The following TAS2R1 variants were observed in gnomAD, a reference collection of about 807,000 sequenced individuals.
The protein encoded by TAS2R1 is taste receptor type 2 member 1.
For missense variants in TAS2R1, 370 were observed against 353.4 expected (o/e 1.05, Z -0.38); for synonymous variants, 141 against 134.2 (o/e 1.05, Z -0.35).
the TAS2R1 span, among the ~76,000 whole-genome samples, chr5:9,825,547 G>A: frequency 6.6e-6 from 1 of 152,174 alleles, no homozygotes; most frequent in Non-Finnish European, 1.5e-5. Flanking sequence ...TCTGTAAGAT[G>A]GAACTTTCTC....
the TAS2R1 span, among the ~76,000 whole-genome samples, chr5:9,861,185 A>G: frequency 2.0e-5 from 3 of 152,046 alleles, no homozygotes; most frequent in Non-Finnish European, 4.4e-5. Context: ...AAGGGACAAC[A>G]TTCTTTCACG....
At chr5:9,727,117 G>A in the TAS2R1 span, among the ~76,000 whole-genome samples, 1 of 152,166 alleles carries the variant, frequency 6.6e-6, no homozygotes, top group East Asian at 1.9e-4. Context: ...CAAAACACAT[G>A]CTTGGATGGC....
intron 1 of TAS2R1, among the ~76,000 whole-genome samples, chr5:9,693,760 G>A (rs1021498749): frequency 2.0e-5 from 3 of 151,812 alleles, no homozygotes; most frequent in African/African-American, 4.8e-5. Context: ...TAAGACTGCC[G>A]ACTACGTTGC....
At chr5:9,634,562 T>C (rs142168461), upstream of TAS2R1, among the ~76,000 whole-genome samples, 308 of 152,296 alleles carry the variant, frequency 2.0e-3, 2 homozygotes, top group African/African-American at 7.2e-3. Flanking sequence ...ATAATATTGA[T>C]TCTACCCATC....
the TAS2R1 span, among the ~76,000 whole-genome samples, chr5:9,728,154 T>G: frequency 9.8e-4 from 149 of 152,176 alleles, no homozygotes; most frequent in Middle Eastern, 3.4e-3. Flanking sequence ...TAGACTACAT[T>G]TCTACCACCC....
the TAS2R1 span, among the ~76,000 whole-genome samples, chr5:9,769,926 C>A: frequency 6.6e-6 from 1 of 151,980 alleles, no homozygotes; most frequent in Admixed American, 6.6e-5. Flanking sequence ...TGATGTGATC[C>A]CCTTTGTCCA....
chr5:9,786,377 T>C, the TAS2R1 span, among the ~76,000 whole-genome samples: 1 of 152,230 alleles, frequency 6.6e-6, no homozygotes, highest in Non-Finnish European at 1.5e-5. Flanking sequence ...AATTCATGTG[T>C]GACTTTGATA....
At chr5:9,873,908 G>GA in the TAS2R1 span, among the ~76,000 whole-genome samples, 1,361 of 135,140 alleles carry the variant, frequency 0.01, 11 homozygotes, top group Non-Finnish European at 0.016. Flanking sequence ...AGAGGACGGG[G>GA]AAAAAAAGAA....
rs1432597130 is a variant in TAS2R1, at chr5:9,686,655, CAGAA to C, written c.-242+25513_-242+25516del. Among the ~76,000 whole-genome samples the C allele has an allele frequency of 1.3e-5, 2 of 152,034 alleles. 1 individual carries two copies. Among genetic ancestry groups the C allele is most frequent in the Non-Finnish European group, 2.9e-5 (2 of 67,988 alleles). On this transcript the variant is annotated intron_variant, in intron 1 of 2. Coordinates refer to the TAS2R1 transcript ENST00000506620. ...AAGAAGGAAACAGAAAGAAAGAAAA[CAGAA>C]AGAAAAGATGTCACTATAAAGGGCC...
upstream of TAS2R1, among the ~76,000 whole-genome samples, chr5:9,715,308 C>T (rs998834769): frequency 6.6e-6 from 1 of 152,274 alleles, no homozygotes; most frequent in African/African-American, 2.4e-5. Context: ...AGCCAGGGAC[C>T]GAGGATGCAC....
chr5:9,887,587 T>C, the TAS2R1 span, among the ~76,000 whole-genome samples: 1 of 152,148 alleles, frequency 6.6e-6, no homozygotes. Flanking sequence ...GACCCAATTC[T>C]CCTGAACCAC....
At chr5:9,823,101 T>C in the TAS2R1 span, among the ~76,000 whole-genome samples, 5 of 150,536 alleles carry the variant, frequency 3.3e-5, no homozygotes. Flanking sequence ...AGAATAACTA[T>C]AAAATGTCAT....
chr5:9,785,127 G>C, the TAS2R1 span, among the ~76,000 whole-genome samples: 1 of 152,026 alleles, frequency 6.6e-6, no homozygotes, highest in Admixed American at 6.6e-5. Context: ...TTTCACCATG[G>C]CTACAGCTCC....
chr5:9,775,016 G>C, the TAS2R1 span, among the ~76,000 whole-genome samples: 1 of 152,284 alleles, frequency 6.6e-6, no homozygotes, highest in Non-Finnish European at 1.5e-5. Context: ...TTCCCTTTAG[G>C]GTGGCAAGAT....
rs184580436 is a variant in TAS2R1, at chr5:9,627,869, T to C, written c.*1264A>G. ...TAGTTCCCATGCCCAAGAAGATAAG[T>C]ACGTCCCTGAATCTCCTGAAGCAAA... On this transcript the variant is annotated 3_prime_UTR_variant, in exon 1 of 1. Transcript: ENST00000382492. 8.5e-5 allele frequency among the ~76,000 whole-genome samples: 13 copies of C among 152,272 alleles called. No individual in the cohort carries two copies. The highest frequency in any genetic ancestry group is 8.5e-4 in the Admixed American group (13 of 15,298).
At chr5:9,763,093 A>C in the TAS2R1 span, among the ~76,000 whole-genome samples, 5 of 152,224 alleles carry the variant, frequency 3.3e-5, no homozygotes, top group African/African-American at 4.8e-5. Context: ...TTCCTAAAAT[A>C]ACATCTATAT....
chr5:9,645,978 C>T (rs1019104466), intron 2 of TAS2R1, among the ~76,000 whole-genome samples: 4 of 152,094 alleles, frequency 2.6e-5, no homozygotes, highest in Non-Finnish European at 4.4e-5. Flanking sequence ...ATTGGGTGTG[C>T]TGAAATAGTT....
intron 1 of TAS2R1, among the ~76,000 whole-genome samples, chr5:9,673,100 A>G (rs1046870877): frequency 2.6e-5 from 4 of 152,186 alleles, no homozygotes; most frequent in African/African-American, 9.6e-5. Flanking sequence ...TTCATTACAC[A>G]TGAACACAAA....
chr5:9,655,333 A>T (rs531856886), intron 2 of TAS2R1, among the ~76,000 whole-genome samples: 4 of 152,358 alleles, frequency 2.6e-5, no homozygotes, highest in Admixed American at 2.6e-4. Context: ...TAACATTTAA[A>T]GGAAAAGACT....
Sources: allele counts gnomAD v4.1 joint callset (sites outside exome capture counted in the v4.1 genomes callset), GRCh38; gene constraint gnomAD v4.1.1; transcripts MANE v1.5; gene names NCBI Gene and HGNC (gene_info 2026-07-23, HGNC 2026-07-21).